Variants in TSPAN18 observed in about 807,000 individuals in gnomAD.
TSPAN18 encodes the protein tetraspanin-18.
In TSPAN18, 14 loss-of-function variants were observed where a neutral mutation model predicts 27.3. That is an observed-to-expected ratio of 0.51 (90% CI 0.34 to 0.80). The LOEUF (loss-of-function observed/expected upper bound fraction) is 0.80, where lower values mean the gene tolerates loss of function less well. TSPAN18 is among the 30% of genes least tolerant of loss of function. TSPAN18 has a pLI of 0.01. For synonymous variants in TSPAN18, 143 were observed against 136.5 expected, an observed-to-expected ratio of 1.05 and a Z score of -0.33; for missense variants, 268 against 323.9, an observed-to-expected ratio of 0.83 and a Z score of 1.32.
In TSPAN18 at chr11:44,922,790, T is replaced by A. The variant is rs190201641; in HGVS notation, c.615+2791T>A. 6.6e-5 allele frequency among the ~76,000 whole-genome samples: 10 copies of A among 152,190 alleles called. No homozygotes were observed. In the East Asian group the frequency reaches 1.7e-3, roughly 27 times the overall value. On this transcript the variant is annotated intron_variant, in intron 8 of 9. Transcript: ENST00000520358. ...TTCTGGTTTGGGGACGATCTTGCAT[T>A]CAGTCTGGGGCATGTTGCGTCTAAG...
At chr11:44,888,013 T>TG (rs933595009) in intron 3 of TSPAN18, among the ~76,000 whole-genome samples, 1 of 152,054 alleles carries the variant, frequency 6.6e-6, no homozygotes, top group Admixed American at 6.5e-5. Context: ...GGATGCAATG[T>TG]GGGAAGGGAG....
At chr11:44,866,832 C>T (rs1230735997) in intron 3 of TSPAN18, among the ~76,000 whole-genome samples, 1 of 152,186 alleles carries the variant, frequency 6.6e-6, no homozygotes, top group East Asian at 1.9e-4. Context: ...GCCTGGGAAA[C>T]CAGCCGCCCC....
intron 2 of TSPAN18, among the ~76,000 whole-genome samples, chr11:44,808,233 T>C (rs1484842046): frequency 1.3e-5 from 2 of 152,156 alleles, no homozygotes; most frequent in African/African-American, 4.8e-5. Flanking sequence ...AGAGGTGAAG[T>C]AACTTGACCA....
At chr11:44,873,331 C>A (rs1858246022) in intron 3 of TSPAN18, among the ~76,000 whole-genome samples, 2 of 152,168 alleles carry the variant, frequency 1.3e-5, no homozygotes, top group Admixed American at 1.3e-4. Context: ...CACACCATGA[C>A]AGCCCAGAGA....
At chr11:44,744,469 G>A (rs1855024098) in intron 1 of TSPAN18, among the ~76,000 whole-genome samples, 1 of 152,190 alleles carries the variant, frequency 6.6e-6, no homozygotes, top group African/African-American at 2.4e-5. Flanking sequence ...ATGGAGTGGG[G>A]AGAGAGAGCT....
At chr11:44,859,808 C>T (rs1857829840) in intron 2 of TSPAN18, 1 of 152,226 alleles carries the variant, frequency 6.6e-6, no homozygotes, top group Non-Finnish European at 1.5e-5. Context: ...TGCTCTGCCA[C>T]CAACTTGCTG....
At chr11:44,908,781 A>AAGAG in intron 4 of TSPAN18, among the ~76,000 whole-genome samples, 1 of 116,946 alleles carries the variant, frequency 8.6e-6, no homozygotes, top group South Asian at 3.0e-4. Context: ...GAAAGAAAGA[A>AAGAG]AGAAAGAAAG....
At chr11:44,927,616 T>C (rs1482468527) in intron 9 of TSPAN18, among the ~76,000 whole-genome samples, 2 of 152,186 alleles carry the variant, frequency 1.3e-5, no homozygotes, top group Non-Finnish European at 2.9e-5. Context: ...TATTCATTCA[T>C]GTATTCAACA....
rs146242170 is a variant in TSPAN18 at position 44,866,975 on chromosome 11, G to A, written c.-11+6506G>A. On this transcript the variant is annotated intron_variant, in intron 3 of 9. Coordinates refer to ENST00000520358, the MANE Select transcript of TSPAN18 (RefSeq NM_130783.5). ...GTCACTCTCATTGGCTGCAACAAAT[G>A]CATCAATACCTTTCATTCAAGTATT... 3.9e-3 allele frequency among the ~76,000 whole-genome samples: 591 copies of A among 152,310 alleles called. 4 individuals are homozygous for A. The highest frequency in any genetic ancestry group is 0.013 in the African/African-American group (545 of 41,572).
rs114433066 is a variant in TSPAN18, at chr11:44,907,220, C to T, written c.63+741C>T. On this transcript the variant is annotated intron_variant, in intron 4 of 9. Transcript: ENST00000520358. ...GCTGAGCCCACCCACCTGCTGGTGA[C>T]CCACTGAAGGCTCTGCTCAGACTCA... Among the ~76,000 whole-genome samples the T allele has an allele frequency of 3.3e-3, 503 of 152,278 alleles. 2 individuals are homozygous for T. The highest frequency in any genetic ancestry group is 0.011 in the African/African-American group (478 of 41,566).
intron 2 of TSPAN18, among the ~76,000 whole-genome samples, chr11:44,857,139 C>T (rs1857759287): frequency 6.6e-6 from 1 of 152,158 alleles, no homozygotes; most frequent in African/African-American, 2.4e-5. Context: ...GAAAGAGGGA[C>T]TTAGGTAAAG....
intron 3 of TSPAN18, chr11:44,903,888 C>G (rs766633447): frequency 4.4e-6 from 2 of 456,666 alleles, no homozygotes; most frequent in South Asian, 1.5e-5. Context: ...TCAGTTTCCA[C>G]CTCTGGAAAA....
At chr11:44,740,502 G>A (rs763379678) in intron 1 of TSPAN18, among the ~76,000 whole-genome samples, 1 of 152,224 alleles carries the variant, frequency 6.6e-6, no homozygotes, top group Non-Finnish European at 1.5e-5. Flanking sequence ...CTGGGACTGG[G>A]CCACAGGTGG....
intron 6 of TSPAN18, 138 bp from the exon 7 acceptor site, chr11:44,919,076 C>A: frequency 1.4e-6 from 1 of 690,750 alleles, no homozygotes. Flanking sequence ...TAGGAGAATC[C>A]CAGGGGACCT....
At chr11:44,917,909 G>T (rs1199193857) in intron 5 of TSPAN18, 63 bp from the exon 6 acceptor site, 8 of 1,508,558 alleles carry the variant, frequency 5.3e-6, no homozygotes, top group Non-Finnish European at 7.4e-6. Flanking sequence ...GGATGCATTG[G>T]CCAGTGGCCG....
chr11:44,923,168 G>A (rs1031447082), intron 8 of TSPAN18, among the ~76,000 whole-genome samples: 1 of 152,220 alleles, frequency 6.6e-6, no homozygotes, highest in African/African-American at 2.4e-5. Context: ...GTGGGCAGCT[G>A]GGTGTATGGG....
intron 2 of TSPAN18, among the ~76,000 whole-genome samples, chr11:44,841,111 C>T (rs1857363853): frequency 6.6e-6 from 1 of 152,178 alleles, no homozygotes; most frequent in Non-Finnish European, 1.5e-5. Context: ...TGAGTGTCTA[C>T]TGCGTATGTG....
chr11:44,752,913 C>G (rs1211634915), intron 1 of TSPAN18, among the ~76,000 whole-genome samples: 1 of 152,170 alleles, frequency 6.6e-6, no homozygotes, highest in African/African-American at 2.4e-5. Context: ...TAACTTTATA[C>G]AAAGTTACAT....
chr11:44,801,578 A>C (rs889465231), intron 2 of TSPAN18, among the ~76,000 whole-genome samples: 4 of 152,226 alleles, frequency 2.6e-5, no homozygotes, highest in African/African-American at 9.6e-5. Context: ...AATGAAAAAA[A>C]TATCTTCATA....
Sources: gnomAD v4.1 joint callset for allele counts (sites outside exome capture counted in the v4.1 genomes callset) on GRCh38, gnomAD v4.1.1 for gene constraint, MANE v1.5 for transcripts, NCBI Gene and HGNC (gene_info 2026-07-23, HGNC 2026-07-21) for gene names.